Variants in HS3ST2 observed in about 807,000 individuals in gnomAD.
HS3ST2 encodes the protein heparan sulfate glucosamine 3-O-sulfotransferase 2.
HS3ST2 carries 17 observed loss-of-function variants against 26.3 expected under a neutral mutation model. The ratio of observed to expected loss-of-function variants is 0.65; its 90% CI spans 0.44 to 0.97. The LOEUF is 0.97. HS3ST2 is among the 50% of genes least tolerant of loss of function. HS3ST2 has a pLI of 0.00. For synonymous variants in HS3ST2, 237 were observed against 219.2 expected (o/e 1.08, Z -0.72); for missense variants, 402 against 501.2 (o/e 0.80, Z 1.89).
intron 1 of HS3ST2, among the ~76,000 whole-genome samples, chr16:22,881,627 G>A (rs576136885): frequency 6.6e-5 from 10 of 152,202 alleles, no homozygotes; most frequent in Non-Finnish European, 1.2e-4. Context: ...TGACTCTCAC[G>A]ACAGAATCCT....
intron 1 of HS3ST2, among the ~76,000 whole-genome samples, chr16:22,834,538 G>A (rs209452): frequency 0.25 from 37,551 of 151,576 alleles, 5,514 homozygotes; most frequent in African/African-American, 0.41. Flanking sequence ...TAACCAAATC[G>A]CCTACTGATA....
chr16:22,842,300 T>C (rs1332997417), intron 1 of HS3ST2, among the ~76,000 whole-genome samples: 4 of 152,068 alleles, frequency 2.6e-5, no homozygotes, highest in African/African-American at 9.7e-5. Context: ...TGACCTCAGG[T>C]AATTCACCCG....
intron 1 of HS3ST2, among the ~76,000 whole-genome samples, chr16:22,853,386 G>T (rs1901545197): frequency 6.6e-6 from 1 of 152,176 alleles, no homozygotes; most frequent in East Asian, 1.9e-4. Flanking sequence ...ACAGTTAAAA[G>T]ATTCTAAATG....
At chr16:22,908,449 A>T (rs1449745166) in intron 1 of HS3ST2, among the ~76,000 whole-genome samples, 1 of 152,152 alleles carries the variant, frequency 6.6e-6, no homozygotes, top group East Asian at 1.9e-4. Context: ...CTCATAACAG[A>T]TTACCTGAAA....
chr16:22,844,035 A>ACG (rs1491180685), intron 1 of HS3ST2, among the ~76,000 whole-genome samples: 1 of 148,284 alleles, frequency 6.7e-6, no homozygotes, highest in African/African-American at 2.6e-5. Flanking sequence ...ACACACACAC[A>ACG]CGCACACACA....
At chr16:22,835,640 C>G (rs1901243962) in intron 1 of HS3ST2, among the ~76,000 whole-genome samples, 1 of 152,112 alleles carries the variant, frequency 6.6e-6, no homozygotes, top group African/African-American at 2.4e-5. Flanking sequence ...CTCCATACTA[C>G]TAAGTAACCT....
intron 1 of HS3ST2, among the ~76,000 whole-genome samples, chr16:22,826,678 G>A (rs1901091044): frequency 6.6e-6 from 1 of 152,154 alleles, no homozygotes; most frequent in Admixed American, 6.5e-5. Flanking sequence ...AATACTCTTA[G>A]CAATGAGGGA....
intron 1 of HS3ST2, among the ~76,000 whole-genome samples, chr16:22,848,739 C>G (rs896187799): frequency 6.6e-6 from 1 of 152,198 alleles, no homozygotes; most frequent in Admixed American, 6.5e-5. Flanking sequence ...AAGTTGATTT[C>G]TCTCTCCCTT....
chr16:22,838,424 G>A (rs991981466), intron 1 of HS3ST2, among the ~76,000 whole-genome samples: 2 of 152,138 alleles, frequency 1.3e-5, no homozygotes, highest in Admixed American at 6.5e-5. Flanking sequence ...GCTGGTGGAG[G>A]CCTCTTTCCT....
chr16:22,814,755 C>T lies in HS3ST2; in HGVS notation c.145C>T (p.Leu49Phe), dbSNP rs1283902808. The T allele has an allele frequency of 2.5e-6, 4 of 1,607,270 alleles. No homozygotes were observed. The highest frequency in any genetic ancestry group is 4.5e-5 in the East Asian group (2 of 44,710). Reference sequence around the variant, plus strand: ...CTGCGACGACCTGGGTCGGAGCCGCCTCCTCGGCGCGCCTCGCTGCCTCCG... The same window carrying T: ...CTGCGACGACCTGGGTCGGAGCCGCTTCCTCGGCGCGCCTCGCTGCCTCCG... ...CCCDDLGRSR[L>F]LGAPRCLRGP... The change falls in exon 1 of 2, where the codon CTC (leucine) becomes TTC (phenylalanine). Residue 49 changes from leucine (L) to phenylalanine (F), a missense_variant. By Grantham distance (22) the Leu-to-Phe change is conservative (BLOSUM62 0). Coordinates refer to ENST00000261374, the MANE Select transcript of HS3ST2 (RefSeq NM_006043.2).
At chr16:22,867,475 G>C (rs1901772998) in intron 1 of HS3ST2, among the ~76,000 whole-genome samples, 1 of 152,162 alleles carries the variant, frequency 6.6e-6, no homozygotes, top group African/African-American at 2.4e-5. Flanking sequence ...ATAAAGTCGA[G>C]GTGTAGATAT....
At chr16:22,877,243 C>G (rs1901933650) in intron 1 of HS3ST2, among the ~76,000 whole-genome samples, 1 of 152,196 alleles carries the variant, frequency 6.6e-6, no homozygotes, top group Admixed American at 6.5e-5. Context: ...ACCTGAATGG[C>G]TGGGTGACTG....
intron 1 of HS3ST2, among the ~76,000 whole-genome samples, chr16:22,877,192 A>T (rs1266931325): frequency 1.3e-5 from 2 of 152,302 alleles, no homozygotes; most frequent in East Asian, 1.9e-4. Flanking sequence ...TTAAGTTCTG[A>T]AGTCACAAGA....
chr16:22,822,797 G>A (rs1901017201), intron 1 of HS3ST2, among the ~76,000 whole-genome samples: 1 of 151,598 alleles, frequency 6.6e-6, no homozygotes, highest in African/African-American at 2.4e-5. Context: ...AGGGGTTGCA[G>A]TGAGTCAAGA....
chr16:22,843,958 C>T (rs11644022), intron 1 of HS3ST2, among the ~76,000 whole-genome samples: 20,744 of 151,890 alleles, frequency 0.14, 1,852 homozygotes, highest in East Asian at 0.22. Flanking sequence ...TAACAAAAGA[C>T]TGTAACAAGG....
In HS3ST2 at chr16:22,915,001, C is replaced by G. The variant is rs1902474338; in HGVS notation, c.543C>G (p.Tyr181Ter). 6.2e-7 allele frequency: 1 copy of G among 1,613,918 alleles called. No individual in the cohort carries two copies. Among genetic ancestry groups the G allele is most frequent in the Non-Finnish European group, 8.5e-7 (1 of 1,180,034 alleles). ...TCACGCTGGAGAAGACGCCCAGCTACTTTGTCACTCAAGAGGCTCCTCGAC... is the reference window on the plus strand; with the variant it reads ...TCACGCTGGAGAAGACGCCCAGCTAGTTTGTCACTCAAGAGGCTCCTCGAC... The part of the protein sequence containing the change: ...SQITLEKTPS[Y>*]FVTQEAPRRI... The change falls in exon 2 of 2, where the codon TAC becomes TAG. Residue 181 changes from tyrosine to a stop codon, truncating the protein, a stop_gained. Transcript: ENST00000261374. LOFTEE classifies it high-confidence loss of function.
At chr16:22,864,696 A>C (rs1268584050) in intron 1 of HS3ST2, among the ~76,000 whole-genome samples, 2 of 152,108 alleles carry the variant, frequency 1.3e-5, no homozygotes, top group Non-Finnish European at 1.5e-5. Flanking sequence ...GAAGGCCCTC[A>C]AGACACTGTA....
intron 1 of HS3ST2, among the ~76,000 whole-genome samples, chr16:22,848,842 C>T (rs1368586573): frequency 6.6e-6 from 1 of 152,186 alleles, no homozygotes; most frequent in East Asian, 1.9e-4. Flanking sequence ...ACCCTGACAC[C>T]GTACCATGCA....
intron 1 of HS3ST2, among the ~76,000 whole-genome samples, chr16:22,905,614 T>G (rs1189179298): frequency 6.6e-6 from 1 of 152,160 alleles, no homozygotes; most frequent in Non-Finnish European, 1.5e-5. Flanking sequence ...TCTGCAAGTA[T>G]TTTCTGAACG....
Sources: allele counts gnomAD v4.1 joint callset (sites outside exome capture counted in the v4.1 genomes callset), GRCh38; gene constraint gnomAD v4.1.1; transcripts MANE v1.5; gene names NCBI Gene and HGNC (gene_info 2026-07-23, HGNC 2026-07-21).